The following PLCH1 variants were observed in gnomAD, a reference collection of about 807,000 sequenced individuals.
PLCH1 encodes the protein 1-phosphatidylinositol 4,5-bisphosphate phosphodiesterase eta-1.
PLCH1 carries 60 observed loss-of-function variants against 126.7 expected under a neutral mutation model. The ratio of observed to expected loss-of-function variants is 0.47; its 90% CI spans 0.38 to 0.59. PLCH1 has a LOEUF of 0.59. Among genes scored for constraint, PLCH1 ranks in the 20% least tolerant of loss-of-function variants. PLCH1 has a pLI of 0.00. For synonymous variants in PLCH1, 719 were observed against 734.9 expected (o/e 0.98, Z 0.35); for missense variants, 1,723 against 2,040.0 (o/e 0.84, Z 2.99).
intron 2 of PLCH1, among the ~76,000 whole-genome samples, chr3:155,662,777 C>T (rs1742313455): frequency 6.6e-6 from 1 of 152,156 alleles, no homozygotes; most frequent in South Asian, 2.1e-4. Flanking sequence ...TGATTCTCAT[C>T]CCTCAGCCTC....
intron 2 of PLCH1, among the ~76,000 whole-genome samples, chr3:155,694,952 C>CTT (rs201292066): frequency 0.2 from 22,558 of 115,102 alleles, 2,602 homozygotes; most frequent in African/African-American, 0.27. Flanking sequence ...AAAGCTAGTG[C>CTT]TTTTTTTTTT....
intron 2 of PLCH1, among the ~76,000 whole-genome samples, chr3:155,648,445 A>T (rs1489265192): frequency 9.2e-5 from 14 of 152,170 alleles, no homozygotes; most frequent in Admixed American, 9.2e-4. Context: ...CCTGGAAAAA[A>T]GACTCTTCCC....
At chr3:155,467,631 T>TAC (rs1201840129) in intron 21 of PLCH1, among the ~76,000 whole-genome samples, 2 of 151,500 alleles carry the variant, frequency 1.3e-5, no homozygotes, top group African/African-American at 4.8e-5. Flanking sequence ...ACAATAGAGT[T>TAC]ACAATACATC....
intron 21 of PLCH1, among the ~76,000 whole-genome samples, chr3:155,486,670 G>A (rs182934076): frequency 0.021 from 3,185 of 151,648 alleles, 122 homozygotes; most frequent in African/African-American, 0.073. Context: ...GACTACAGGC[G>A]CCGGCCACCG....
intron 1 of PLCH1, among the ~76,000 whole-genome samples, chr3:155,737,249 A>AAAAAAAAAAAAAAC (rs397991445): frequency 6.7e-6 from 1 of 149,918 alleles, no homozygotes; most frequent in African/African-American, 2.4e-5. Flanking sequence ...AAAAAAAAAA[A>AAAAAAAAAAAAAAC]GAGTATATGG....
chr3:155,600,546 A>G (rs569393299), intron 2 of PLCH1, among the ~76,000 whole-genome samples: 1 of 152,182 alleles, frequency 6.6e-6, no homozygotes, highest in East Asian at 1.9e-4. Context: ...GCAGCTGCCA[A>G]TATGTTCACC....
intron 2 of PLCH1, among the ~76,000 whole-genome samples, chr3:155,599,723 T>C (rs1441495916): frequency 6.6e-6 from 1 of 152,184 alleles, no homozygotes; most frequent in Non-Finnish European, 1.5e-5. Flanking sequence ...GGAAAACAAA[T>C]TGTTTACGCC....
rs755619427 is a variant in PLCH1, at chr3:155,485,570, G to A, written c.2760C>T (p.Gly920=). The A allele has an allele frequency of 4.3e-6, 7 of 1,614,120 alleles. No individual in the cohort carries two copies. In the Middle Eastern group the frequency reaches 4.9e-4, roughly 114 times the overall value. Residue 920 remains glycine, a synonymous_variant, in exon 22 of 23, where the codon GGC becomes GGT. Coordinates refer to ENST00000460012, the MANE Select transcript of PLCH1 (RefSeq NM_014996.4). ...LRRTASAPAK[G]RKKSKMGFQE... ...GGAAGCCCATTTTGCTCTTTTTCCT[G>A]CCTTTGGCTGGGGCGCTAGCTGTGC...
Position 155,594,185 on chromosome 3 carries a change from C to CT in PLCH1, c.227-2dup. The stretch of plus-strand genomic sequence containing the variant: ...ACTTTGTAAATGGAATCAATAAGTA[C>CT]TGTGAGGAAAATGAGATACACACAG... On this transcript the variant is annotated splice_acceptor_variant, in intron 3 of 22. Coordinates refer to ENST00000460012, the MANE Select transcript of PLCH1 (RefSeq NM_014996.4). LOFTEE classifies it high-confidence loss of function. 6.2e-7 allele frequency: 1 copy of CT among 1,612,564 alleles called. No homozygotes were observed.
intron 21 of PLCH1, among the ~76,000 whole-genome samples, chr3:155,462,915 G>A (rs1712782064): frequency 6.6e-6 from 1 of 152,228 alleles, no homozygotes; most frequent in Admixed American, 6.5e-5. Context: ...AATACAGGAA[G>A]TGAGTGCCTT....
At chr3:155,486,711 A>G (rs1195958109) in intron 21 of PLCH1, among the ~76,000 whole-genome samples, 2 of 151,228 alleles carry the variant, frequency 1.3e-5, no homozygotes, top group Non-Finnish European at 2.9e-5. Context: ...TTTTTAGTAG[A>G]GACGGGGTTT....
At chr3:155,500,183 CA>C (rs1017170322) in intron 14 of PLCH1, among the ~76,000 whole-genome samples, 11 of 152,092 alleles carry the variant, frequency 7.2e-5, no homozygotes, top group African/African-American at 2.7e-4. Context: ...AGCAAACAAA[CA>C]AACAAAAAAG....
intron 10 of PLCH1, among the ~76,000 whole-genome samples, chr3:155,548,863 T>G (rs925428909): frequency 3.3e-5 from 5 of 152,212 alleles, no homozygotes; most frequent in Non-Finnish European, 7.3e-5. Flanking sequence ...ATTCTAAGAA[T>G]GAATATGTTC....
chr3:155,658,629 C>T (rs1741722570), intron 2 of PLCH1: 1 of 151,966 alleles, frequency 6.6e-6, no homozygotes, highest in Non-Finnish European at 1.5e-5. Flanking sequence ...TACCAAAAAC[C>T]TAATTAAATA....
intron 2 of PLCH1, chr3:155,675,882 GT>G: frequency 1.6e-6 from 1 of 625,238 alleles, no homozygotes; most frequent in Non-Finnish European, 2.7e-6. Context: ...TAATAAATAT[GT>G]TCTGAAGAAT....
At chr3:155,703,981 A>T (rs895829558) in intron 2 of PLCH1, among the ~76,000 whole-genome samples, 165 bp downstream of exon 2, 1 of 152,244 alleles carries the variant, frequency 6.6e-6, no homozygotes, top group Non-Finnish European at 1.5e-5. Context: ...AAGTGGAGAT[A>T]GTAAGTGCAA....
intron 1 of PLCH1, among the ~76,000 whole-genome samples, chr3:155,706,109 G>A (rs939359688): frequency 6.8e-6 from 1 of 147,084 alleles, no homozygotes; most frequent in East Asian, 2.1e-4. Flanking sequence ...AGGAGGCAGA[G>A]GTTGCAGTGA....
chr3:155,737,479 G>A (rs1021010836), intron 1 of PLCH1, among the ~76,000 whole-genome samples: 1 of 151,690 alleles, frequency 6.6e-6, no homozygotes, highest in Non-Finnish European at 1.5e-5. Flanking sequence ...TTACAAGCGT[G>A]AGCCACCATG....
rs59489759 is a variant in PLCH1, at chr3:155,612,908, T to TAAAAAAAAAA, written c.80-16540_80-16531dup. 4.6e-4 allele frequency among the ~76,000 whole-genome samples: 43 copies of TAAAAAAAAAA among 94,460 alleles called. 1 individual carries two copies. Among genetic ancestry groups the TAAAAAAAAAA allele is most frequent in the East Asian group, 1.2e-3 (3 of 2,506 alleles). 62.0% of individuals were successfully genotyped at this position (94,460 alleles called of 152,430 possible). A position where few individuals can be genotyped will look rare whatever the true frequency, so the allele number is the denominator to read the frequency against. On this transcript the variant is annotated intron_variant, in intron 2 of 22. Coordinates refer to ENST00000460012, the MANE Select transcript of PLCH1 (RefSeq NM_014996.4). ...GGGCAACAAGAGTGAAACTGTGTAT[T>TAAAAAAAAAA]AAAAAAAAAAAAAAAAAGAAAAGAT...
Sources: allele counts gnomAD v4.1 joint callset (sites outside exome capture counted in the v4.1 genomes callset), GRCh38; gene constraint gnomAD v4.1.1; transcripts MANE v1.5; gene names NCBI Gene and HGNC (gene_info 2026-07-23, HGNC 2026-07-21).